IL6R: variants seen among roughly 807,000 people sequenced by gnomAD.
The protein encoded by IL6R is interleukin-6 receptor subunit alpha.
IL6R carries 38 observed loss-of-function variants against 48.3 expected under a neutral mutation model. The ratio of observed to expected loss-of-function variants is 0.79; its 90% confidence interval spans 0.61 to 1.03. The LOEUF (loss-of-function observed/expected upper bound fraction) is 1.03, where lower values mean the gene tolerates loss of function less well. Among genes scored for constraint, IL6R ranks in the 50% least tolerant of loss-of-function variants. IL6R has a pLI of 0.00. For synonymous variants in IL6R, 264 were observed against 256.2 expected, an observed-to-expected ratio of 1.03 and a Z score of -0.29; for missense variants, 534 against 618.3, an observed-to-expected ratio of 0.86 and a Z score of 1.45.
At chr1:154,462,939 C>G (rs542765274) in intron 9 of IL6R, among the ~76,000 whole-genome samples, 2 of 152,294 alleles carry the variant, frequency 1.3e-5, no homozygotes, top group Admixed American at 1.3e-4. Context: ...TCCCAAGTAG[C>G]TGGGATTACA....
chr1:154,429,559 T>C (rs1689177821), intron 2 of IL6R, 115 bp downstream of exon 2: 2 of 1,312,178 alleles, frequency 1.5e-6, no homozygotes. Flanking sequence ...GGCGCAAGAA[T>C]TTTGGGGAAG....
intron 9 of IL6R, among the ~76,000 whole-genome samples, chr1:154,455,168 C>T (rs1226568887): frequency 6.6e-6 from 1 of 152,100 alleles, no homozygotes; most frequent in Non-Finnish European, 1.5e-5. Context: ...GCCTTGGCCT[C>T]CCAATGTGTT....
At chr1:154,407,995 C>G (rs1024074976) in intron 1 of IL6R, among the ~76,000 whole-genome samples, 3 of 152,160 alleles carry the variant, frequency 2.0e-5, no homozygotes, top group African/African-American at 7.2e-5. Context: ...CTTCCTGCCC[C>G]CATTACCCAC....
intron 2 of IL6R, among the ~76,000 whole-genome samples, chr1:154,430,090 C>A (rs1180669143): frequency 6.6e-6 from 1 of 152,126 alleles, no homozygotes; most frequent in Non-Finnish European, 1.5e-5. Context: ...TCATTTCCAT[C>A]ATCATTACAT....
At chr1:154,419,347 C>T (rs1317447731) in intron 1 of IL6R, among the ~76,000 whole-genome samples, 3 of 152,140 alleles carry the variant, frequency 2.0e-5, no homozygotes, top group Non-Finnish European at 4.4e-5. Context: ...GAACAGGTGA[C>T]CAAGAGCACT....
intron 2 of IL6R, among the ~76,000 whole-genome samples, chr1:154,429,764 G>A (rs1570952113): frequency 6.6e-6 from 1 of 152,080 alleles, no homozygotes. Context: ...CCACCCTTCA[G>A]TTTCATCTTT....
intron 6 of IL6R, among the ~76,000 whole-genome samples, chr1:154,436,957 C>T (rs997120235): frequency 6.6e-6 from 1 of 152,174 alleles, no homozygotes; most frequent in African/African-American, 2.4e-5. Context: ...TTTCTAGGTA[C>T]ATGTATGTGT....
intron 1 of IL6R, among the ~76,000 whole-genome samples, chr1:154,418,137 TGA>T (rs928862707): frequency 6.6e-6 from 1 of 152,246 alleles, no homozygotes; most frequent in African/African-American, 2.4e-5. Context: ...CCCAAAGTGC[TGA>T]GATTACAGGC....
intron 3 of IL6R, among the ~76,000 whole-genome samples, chr1:154,433,785 C>CT (rs1272438404): frequency 1.3e-5 from 2 of 151,380 alleles, no homozygotes; most frequent in Admixed American, 1.3e-4. Context: ...AGTGCAGTCT[C>CT]TGTCACTGCA....
chr1:154,430,570 C>T lies in IL6R; in HGVS notation c.422C>T (p.Ser141Phe). 1 of 1,614,210 alleles carries T rather than the reference C, an allele frequency of 6.2e-7. No homozygotes were observed. The highest frequency in any genetic ancestry group is 8.5e-7 in the Non-Finnish European group (1 of 1,180,022). The change falls in exon 3 of 10, where the codon TCC becomes TTC. Residue 141 changes from serine to phenylalanine, a missense_variant. Physicochemically the swap from Ser to Phe is radical, Grantham distance 155 (BLOSUM62 -2). Coordinates refer to ENST00000368485, the MANE Select transcript of IL6R (RefSeq NM_000565.4). The part of the protein sequence containing the change: ...VCEWGPRSTP[S>F]LTTKAVLLVR... ...GAGTGGGGTCCTCGGAGCACCCCAT[C>T]CCTGACGACAAAGGCTGTGCTCTTG...
At chr1:154,415,994 TA>T (rs1329242898) in intron 1 of IL6R, among the ~76,000 whole-genome samples, 2 of 152,218 alleles carry the variant, frequency 1.3e-5, no homozygotes, top group Non-Finnish European at 2.9e-5. Flanking sequence ...ATAACCATTT[TA>T]AAGTATACAG....
At chr1:154,428,681 T>C (rs1180179481) in intron 1 of IL6R, among the ~76,000 whole-genome samples, 6 of 152,114 alleles carry the variant, frequency 3.9e-5, no homozygotes, top group Middle Eastern at 3.2e-3. Context: ...CGTAATTACA[T>C]GGCAGCGTGT....
At chr1:154,406,192 C>T (rs1235742415) in intron 1 of IL6R, among the ~76,000 whole-genome samples, 1 of 152,216 alleles carries the variant, frequency 6.6e-6, no homozygotes, top group Non-Finnish European at 1.5e-5. Context: ...CCCCCCACCC[C>T]CGCGGGTGCA....
At chr1:154,425,103 G>A (rs1263658518) in intron 1 of IL6R, among the ~76,000 whole-genome samples, 1 of 152,194 alleles carries the variant, frequency 6.6e-6, no homozygotes, top group Non-Finnish European at 1.5e-5. Flanking sequence ...TAACCGATTA[G>A]GTCAGGGGTT....
intron 1 of IL6R, chr1:154,414,851 G>A: frequency 1.3e-6 from 1 of 759,168 alleles, no homozygotes; most frequent in Non-Finnish European, 2.4e-6. Context: ...AAGAGCTGGT[G>A]CATGTAGGCT....
At chr1:154,439,915 T>G (rs1689838043) in intron 6 of IL6R, among the ~76,000 whole-genome samples, 1 of 152,032 alleles carries the variant, frequency 6.6e-6, no homozygotes, top group South Asian at 2.1e-4. Flanking sequence ...CTCTTTTTTT[T>G]TGAGACGGAG....
At position 154,417,544 on chromosome 1, in the gene IL6R, G is replaced by A. The variant is rs527335406; in HGVS notation, c.86-11652G>A. On this transcript the variant is annotated intron_variant, in intron 1 of 9. Coordinates refer to ENST00000368485, the MANE Select transcript of IL6R (RefSeq NM_000565.4). ...ATTTCTCTATCTGCTCCTGGGGTTAGGTTTGGGCCAGGGAGTGGATTGTTT... is the reference window on the plus strand; with the variant it reads ...ATTTCTCTATCTGCTCCTGGGGTTAAGTTTGGGCCAGGGAGTGGATTGTTT... Among the ~76,000 whole-genome samples, 12 of 152,206 alleles carry A rather than the reference G, an allele frequency of 7.9e-5. No homozygotes were observed. The South Asian group carries it at 8.3e-4, about 11-fold the overall frequency.
Position 154,414,765 on chromosome 1 carries a change from G to A in IL6R, c.85+9051G>A, listed in dbSNP as rs1032511601. 75 of 771,174 alleles carry A rather than the reference G, an allele frequency of 9.7e-5. No individual in the cohort carries two copies. In the Admixed American group the frequency reaches 1.4e-3, roughly 14 times the overall value. 47.8% of individuals were successfully genotyped at this position (771,174 alleles called of 1,614,324 possible). A position where few individuals can be genotyped will look rare whatever the true frequency, so the allele number is the denominator to read the frequency against. ...TGTAGACATTGGTCTGGATGTCCTTGGCAGGCAGCCACTCCAGCTCCATGT... is the reference window on the plus strand; with the variant it reads ...TGTAGACATTGGTCTGGATGTCCTTAGCAGGCAGCCACTCCAGCTCCATGT... On this transcript the variant is annotated intron_variant, in intron 1 of 9. Transcript: ENST00000368485.
chr1:154,432,245 A>T lies in IL6R; in HGVS notation c.458+1639A>T, dbSNP rs562244559. ...CCAGCAAAGGATACACCTTGTTTGT[A>T]CCTCAAAGGCTTGTACCATAGATAG... On this transcript the variant is annotated intron_variant, in intron 3 of 9. Coordinates refer to ENST00000368485, the MANE Select transcript of IL6R (RefSeq NM_000565.4). Among the ~76,000 whole-genome samples the T allele has an allele frequency of 5.9e-5, 9 of 152,252 alleles. No individual in the cohort carries two copies. The East Asian group carries it at 1.5e-3, about 26-fold the overall frequency.
Sources: allele counts gnomAD v4.1 joint callset (sites outside exome capture counted in the v4.1 genomes callset), GRCh38; gene constraint gnomAD v4.1.1; transcripts MANE v1.5; gene names NCBI Gene and HGNC (gene_info 2026-07-23, HGNC 2026-07-21).